The following OSBPL5 variants were observed in gnomAD, a reference collection of about 807,000 sequenced individuals.
The protein encoded by OSBPL5 is oxysterol-binding protein-related protein 5.
OSBPL5 carries 71 observed loss-of-function variants against 111.2 expected under a neutral mutation model. That is an observed-to-expected ratio of 0.64 (90% CI 0.53 to 0.78). The LOEUF (loss-of-function observed/expected upper bound fraction) is 0.78. Among genes scored for constraint, OSBPL5 ranks in the 30% least tolerant of loss-of-function variants. The pLI is 0.00. For synonymous variants in OSBPL5, 549 were observed against 513.9 expected, an observed-to-expected ratio of 1.07 and a Z score of -0.93; for missense variants, 1,210 against 1,189.3, an observed-to-expected ratio of 1.02 and a Z score of -0.26.
chr11:3,137,559 T>G (rs985884442), intron 1 of OSBPL5, among the ~76,000 whole-genome samples: 1 of 152,078 alleles, frequency 6.6e-6, no homozygotes, highest in African/African-American at 2.4e-5. Flanking sequence ...AAGCCTGTAA[T>G]CCCAACACTT....
At chr11:3,093,966 C>CCTG in intron 15 of OSBPL5, 131 bp from the exon 16 acceptor site, 1 of 1,146,446 alleles carries the variant, frequency 8.7e-7, no homozygotes, top group African/African-American at 1.5e-5. Context: ...ACCCAACCCT[C>CCTG]GCCAACGAGG....
At chr11:3,099,645 A>G (rs1857386854) in intron 14 of OSBPL5, among the ~76,000 whole-genome samples, 1 of 152,258 alleles carries the variant, frequency 6.6e-6, no homozygotes, top group Admixed American at 6.5e-5. Context: ...GCTACAGGGA[A>G]AAGCAGATTA....
rs1277189489 is a variant in OSBPL5, at chr11:3,161,696, G to T, written c.-22+3520C>A. Among the ~76,000 whole-genome samples, 5 of 151,730 alleles carry T rather than the reference G, an allele frequency of 3.3e-5. No homozygotes were observed. Among genetic ancestry groups the T allele is most frequent in the Admixed American group, 2.0e-4 (3 of 15,242 alleles). On this transcript the variant is annotated intron_variant, in intron 1 of 21. Coordinates refer to ENST00000263650, the MANE Select transcript of OSBPL5 (RefSeq NM_020896.4). The surrounding 1 kb of genome is among the most constrained non-coding windows in gnomAD (Gnocchi z 8.0). ...ACCATGAACCTGGCTTGGCCCAATC[G>T]CTTTCTCCATAGGAAGCCATTCAAT...
intron 10 of OSBPL5, among the ~76,000 whole-genome samples, chr11:3,103,824 C>CCCCCTTCCAGCCTCTGCAG (rs1370540127): frequency 2.8e-5 from 1 of 35,504 alleles, no homozygotes; most frequent in Non-Finnish European, 7.6e-5. Context: ...GCCTGCGCAG[C>CCCCCTTCCAGCCTCTGCAG]CCCCTTCCAG....
rs559346431 is a variant in OSBPL5, at chr11:3,131,539, C to T, written c.-21-2370G>A. 2.5e-4 allele frequency among the ~76,000 whole-genome samples: 36 copies of T among 144,674 alleles called. 1 individual carries two copies. In the East Asian group the frequency reaches 4.5e-3, roughly 18 times the overall value. The allele number at this position is 144,674 out of a possible 152,430, so 94.9% of individuals were successfully genotyped here. A position where few individuals can be genotyped will look rare whatever the true frequency, so the allele number is the denominator to read the frequency against. On this transcript the variant is annotated intron_variant, in intron 1 of 21. Coordinates refer to ENST00000263650, the MANE Select transcript of OSBPL5 (RefSeq NM_020896.4). ...TCCATCCACCCATTCATCCATCCAT[C>T]CATCCATCCACCCACCCATTCATTC...
chr11:3,133,973 G>A (rs1005710470), intron 1 of OSBPL5, among the ~76,000 whole-genome samples: 3 of 144,780 alleles, frequency 2.1e-5, no homozygotes, highest in East Asian at 1.9e-4. Context: ...GGAAGAAGGC[G>A]GGGCTTGGTG....
intron 1 of OSBPL5, among the ~76,000 whole-genome samples, chr11:3,147,197 G>A (rs997319366): frequency 2.6e-5 from 4 of 152,226 alleles, no homozygotes; most frequent in South Asian, 2.1e-4. Context: ...TGGGACTCCT[G>A]CTCCAGAGTC....
chr11:3,100,466 G>A (rs1474186253), intron 13 of OSBPL5, among the ~76,000 whole-genome samples: 1 of 152,242 alleles, frequency 6.6e-6, no homozygotes, highest in Non-Finnish European at 1.5e-5. Context: ...TCTGTGCTGA[G>A]AAGTTATTTC....
At chr11:3,112,197 T>C (rs113936755) in intron 7 of OSBPL5, among the ~76,000 whole-genome samples, 14,838 of 152,228 alleles carry the variant, frequency 0.097, 792 homozygotes, top group South Asian at 0.17. Context: ...GACCTTGTCT[T>C]TTTTTGAGCA....
intron 7 of OSBPL5, among the ~76,000 whole-genome samples, chr11:3,117,936 C>CTTTTGTTTGTTGTTGTTT (rs1858266601): frequency 6.6e-6 from 1 of 152,176 alleles, no homozygotes; most frequent in South Asian, 2.1e-4. Flanking sequence ...ATACCAATTT[C>CTTTTGTTTGTTGTTGTTT]CCAGGATTGT....
intron 5 of OSBPL5, 41 bp from the exon 6 acceptor site, chr11:3,120,665 C>T (rs1858376229): frequency 6.9e-6 from 11 of 1,600,132 alleles, no homozygotes; most frequent in Non-Finnish European, 9.4e-6. Context: ...CCCTCTGGGG[C>T]CGCCATCCCT....
At position 3,122,440 on chromosome 11, in the gene OSBPL5, A is replaced by G. The variant is rs370251148; in HGVS notation, c.220-12T>C. On this transcript the variant is annotated splice_polypyrimidine_tract_variant and intron_variant, in intron 3 of 21. Coordinates refer to ENST00000263650, the MANE Select transcript of OSBPL5 (RefSeq NM_020896.4). ...AGCCTGTACTCTGCCTGAAAGAGAG[A>G]GGTGGGTATGCGGGACAGGGCACAG... The G allele has an allele frequency of 2.0e-5, 33 of 1,612,866 alleles. No individual in the cohort carries two copies. In the Admixed American group the frequency reaches 3.0e-4, roughly 15 times the overall value.
intron 15 of OSBPL5, 65 bp from the exon 16 acceptor site, chr11:3,093,900 C>T (rs1212555169): frequency 2.0e-6 from 3 of 1,530,056 alleles, no homozygotes; most frequent in Non-Finnish European, 2.6e-6. Context: ...ATCACATCCT[C>T]ATGGGGGCAC....
In OSBPL5 at chr11:3,106,430, G is replaced by T. The variant is rs1857696859; in HGVS notation, c.1059+833C>A. ...CCCAGAGCGCAGCCCCCACCCCAGAGCCCGGCTTCCTCAGCCTGCACCCGT... is the reference window on the plus strand; with the variant it reads ...CCCAGAGCGCAGCCCCCACCCCAGATCCCGGCTTCCTCAGCCTGCACCCGT... On this transcript the variant is annotated intron_variant, in intron 9 of 21. Coordinates refer to ENST00000263650, the MANE Select transcript of OSBPL5 (RefSeq NM_020896.4). This position sits in a 1 kb window ranked among gnomAD's most constrained non-coding sequence, Gnocchi z 8.4. 1.3e-5 allele frequency among the ~76,000 whole-genome samples: 2 copies of T among 150,902 alleles called. No individual in the cohort carries two copies. Among genetic ancestry groups the T allele is most frequent in the Admixed American group, 1.3e-4 (2 of 15,162 alleles).
intron 19 of OSBPL5, among the ~76,000 whole-genome samples, chr11:3,091,937 C>T (rs537372442): frequency 3.3e-5 from 5 of 152,242 alleles, no homozygotes; most frequent in Admixed American, 2.0e-4. Context: ...GGAACGGGGG[C>T]GTGTGGGTTT....
At chr11:3,103,757 CTCTGCAGCCCCCTTCCAGCCTCTGCAGT>C (rs1564829853) in intron 10 of OSBPL5, among the ~76,000 whole-genome samples, 65 of 25,506 alleles carry the variant, frequency 2.5e-3, no homozygotes, top group Admixed American at 3.8e-3. Context: ...CCTCTTCCAG[CTCTGCAGCCCCCTTCCAGCCTCTGCAGT>C]CCCTTCCTGC....
intron 14 of OSBPL5, among the ~76,000 whole-genome samples, chr11:3,096,295 T>A (rs1013050207): frequency 6.6e-6 from 1 of 152,152 alleles, no homozygotes; most frequent in East Asian, 1.9e-4. Flanking sequence ...TTGTTTTTCA[T>A]CTGATGATAG....
Position 3,092,858 on chromosome 11 carries a change from G to A in OSBPL5, c.2132+9C>T, listed in dbSNP as rs1289532134. ...ACCCTGTGGCCCCCAGGGCTTTGTC[G>A]GCACTCACTCCTCGTATCGGTAGTG... On this transcript the variant is annotated intron_variant, in intron 18 of 21. Coordinates refer to ENST00000263650, the MANE Select transcript of OSBPL5 (RefSeq NM_020896.4). This position sits in a 1 kb window ranked among gnomAD's most constrained non-coding sequence, Gnocchi z 5.4. 8 of 1,520,988 alleles carry A rather than the reference G, an allele frequency of 5.3e-6. No homozygotes were observed. The Admixed American group carries it at 6.0e-5, about 11-fold the overall frequency. 94.2% of individuals were successfully genotyped at this position (1,520,988 alleles called of 1,614,324 possible). A position where few individuals can be genotyped will look rare whatever the true frequency, so the allele number is the denominator to read the frequency against.
chr11:3,129,721 G>A lies in OSBPL5; in HGVS notation c.-21-552C>T, dbSNP rs118031595. On this transcript the variant is annotated intron_variant, in intron 1 of 21. Transcript: ENST00000263650. ...GAGCGCCTCGCCTCTGGTTAAGCCC[G>A]CCTGAAGCTTGGGTGCCCCAACAGT... 1.5e-3 allele frequency among the ~76,000 whole-genome samples: 225 copies of A among 152,320 alleles called. 1 individual carries two copies. The South Asian group carries it at 0.018, about 12-fold the overall frequency.
Sources: allele counts gnomAD v4.1 joint callset (sites outside exome capture counted in the v4.1 genomes callset), GRCh38; gene constraint gnomAD v4.1.1; non-coding constraint Gnocchi (gnomAD v3.1); transcripts MANE v1.5; gene names NCBI Gene and HGNC (gene_info 2026-07-23, HGNC 2026-07-21).